Variants in TENM4 observed in about 807,000 individuals in gnomAD.
TENM4 encodes the protein teneurin transmembrane protein 4.
In TENM4, 82 loss-of-function variants were observed where a neutral mutation model predicts 243.3. The observed-to-expected ratio is 0.34, with a 90% CI of 0.28 to 0.40. The LOEUF (loss-of-function observed/expected upper bound fraction) is 0.40, where lower values mean the gene tolerates loss of function less well. Among genes scored for constraint, TENM4 ranks in the 10% least tolerant of loss-of-function variants. The pLI is 1.00. For synonymous variants in TENM4, 1,412 were observed against 1,456.3 expected, an observed-to-expected ratio of 0.97 and a Z score of 0.69; for missense variants, 3,138 against 3,673.3, an observed-to-expected ratio of 0.85 and a Z score of 3.77.
intron 18 of TENM4, among the ~76,000 whole-genome samples, chr11:78,766,524 GT>G (rs1404788885): frequency 3.3e-5 from 5 of 152,154 alleles, no homozygotes; most frequent in African/African-American, 1.2e-4. Flanking sequence ...CCCTCTGCTT[GT>G]CTACCTTCTG....
intron 1 of TENM4, among the ~76,000 whole-genome samples, chr11:79,435,558 T>C (rs971827274): frequency 1.3e-5 from 2 of 152,200 alleles, no homozygotes; most frequent in African/African-American, 4.8e-5. Context: ...AAGGAGGTGA[T>C]TTAAATCCTA....
At chr11:78,925,792 C>T (rs1856539972) in intron 6 of TENM4, among the ~76,000 whole-genome samples, 1 of 151,728 alleles carries the variant, frequency 6.6e-6, no homozygotes, top group African/African-American at 2.4e-5. Flanking sequence ...TCACTGTATC[C>T]CTTATATTAA....
chr11:78,973,568 G>T (rs920691096), intron 6 of TENM4, among the ~76,000 whole-genome samples: 2 of 151,778 alleles, frequency 1.3e-5, no homozygotes, highest in Admixed American at 1.3e-4. Flanking sequence ...TTTTCCCCAA[G>T]AATTTGTTTT....
rs185396890 is a variant in TENM4, at chr11:79,215,799, G to A, written c.-163+9C>T. ...ATGACAGAAAATCAGAGCAGACAAGGGGACTGACCTGGCTCCATGTCAGCA... is the reference window on the plus strand; with the variant it reads ...ATGACAGAAAATCAGAGCAGACAAGAGGACTGACCTGGCTCCATGTCAGCA... On this transcript the variant is annotated intron_variant, in intron 3 of 33. Coordinates refer to ENST00000278550, the MANE Select transcript of TENM4 (RefSeq NM_001098816.3). 3 of 985,708 alleles carry A rather than the reference G, an allele frequency of 3.0e-6. No homozygotes were observed. The highest frequency in any genetic ancestry group is 1.7e-5 in the African/African-American group (1 of 57,220). The allele number at this position is 985,708 out of a possible 1,614,324, so 61.1% of individuals were successfully genotyped here. A position where few individuals can be genotyped will look rare whatever the true frequency, so the allele number is the denominator to read the frequency against.
intron 1 of TENM4, among the ~76,000 whole-genome samples, chr11:79,343,388 T>A (rs564073714): frequency 1.2e-4 from 19 of 152,328 alleles, no homozygotes; most frequent in African/African-American, 4.6e-4. Flanking sequence ...TAGAGCTGGG[T>A]CACACACAGA....
intron 2 of TENM4, among the ~76,000 whole-genome samples, chr11:79,290,026 C>T (rs954936984): frequency 1.3e-5 from 2 of 151,698 alleles, no homozygotes; most frequent in African/African-American, 4.8e-5. Context: ...GAACTCCTGA[C>T]CTCAGGTGAT....
chr11:78,912,061 C>A (rs1856201529), intron 6 of TENM4, among the ~76,000 whole-genome samples: 1 of 152,154 alleles, frequency 6.6e-6, no homozygotes, highest in Admixed American at 6.5e-5. Flanking sequence ...AGAGGGCATT[C>A]TAGGTAGGGG....
At chr11:79,362,668 T>G (rs764422313) in intron 1 of TENM4, among the ~76,000 whole-genome samples, 1 of 152,164 alleles carries the variant, frequency 6.6e-6, no homozygotes, top group Non-Finnish European at 1.5e-5. Flanking sequence ...GAGCACAGAT[T>G]TAGAAGCCAG....
chr11:78,961,760 G>C (rs1047169838), intron 6 of TENM4, among the ~76,000 whole-genome samples: 1 of 151,622 alleles, frequency 6.6e-6, no homozygotes, highest in Non-Finnish European at 1.5e-5. Context: ...GTAGGTAGTT[G>C]GTTGGTGTTG....
intron 4 of TENM4, among the ~76,000 whole-genome samples, chr11:79,109,104 G>A (rs757463160): frequency 2.0e-5 from 3 of 152,198 alleles, no homozygotes; most frequent in Non-Finnish European, 4.4e-5. Flanking sequence ...CCTACAGAGG[G>A]ATGTTAACAT....
At chr11:78,941,310 C>T (rs1253889691) in intron 6 of TENM4, among the ~76,000 whole-genome samples, 1 of 152,076 alleles carries the variant, frequency 6.6e-6, no homozygotes, top group Non-Finnish European at 1.5e-5. Flanking sequence ...ACCTTACGTG[C>T]TTAGCAAAGG....
chr11:78,861,036 C>T (rs560809123), intron 10 of TENM4, among the ~76,000 whole-genome samples: 38 of 152,330 alleles, frequency 2.5e-4, no homozygotes, highest in Non-Finnish European at 4.6e-4. Flanking sequence ...GAAGAAAATA[C>T]GTTTTGCCAA....
chr11:79,306,400 G>A (rs959169753), intron 1 of TENM4, among the ~76,000 whole-genome samples: 1 of 152,128 alleles, frequency 6.6e-6, no homozygotes, highest in South Asian at 2.1e-4. Context: ...GACTAAGAAG[G>A]CCCTTGATAG....
intron 2 of TENM4, among the ~76,000 whole-genome samples, chr11:79,278,229 G>T (rs982713758): frequency 2.0e-5 from 3 of 152,196 alleles, no homozygotes; most frequent in African/African-American, 7.2e-5. Flanking sequence ...AGTTGGTGAT[G>T]CCTAAGGGGT....
At chr11:79,160,360 G>T (rs759422514) in intron 3 of TENM4, among the ~76,000 whole-genome samples, 7 of 152,172 alleles carry the variant, frequency 4.6e-5, no homozygotes, top group Non-Finnish European at 1.0e-4. Flanking sequence ...ATCCAGGAAG[G>T]CAACCGTGCA....
At chr11:78,877,145 A>C (rs1216074473) in intron 9 of TENM4, among the ~76,000 whole-genome samples, 1 of 152,212 alleles carries the variant, frequency 6.6e-6, no homozygotes, top group Non-Finnish European at 1.5e-5. Flanking sequence ...TGCTGTCTTT[A>C]GAAGGATGAA....
intron 1 of TENM4, among the ~76,000 whole-genome samples, chr11:79,418,025 G>A (rs1051656745): frequency 3.3e-5 from 5 of 152,108 alleles, no homozygotes; most frequent in East Asian, 3.8e-4. Context: ...TACTTTAAAC[G>A]GTGTATGTAT....
intron 6 of TENM4, among the ~76,000 whole-genome samples, chr11:79,025,051 T>G (rs1859038859): frequency 6.6e-6 from 1 of 152,074 alleles, no homozygotes; most frequent in African/African-American, 2.4e-5. Flanking sequence ...GCATGCTCCT[T>G]TGGGAACCCC....
At chr11:79,192,620 CACAA>C (rs908728656) in intron 3 of TENM4, among the ~76,000 whole-genome samples, 17 of 152,054 alleles carry the variant, frequency 1.1e-4, no homozygotes, top group Non-Finnish European at 2.2e-4. Context: ...TACCCAGGGA[CACAA>C]ACACTCTGCC....
Sources: gnomAD v4.1 joint callset for allele counts (sites outside exome capture counted in the v4.1 genomes callset) on GRCh38, gnomAD v4.1.1 for gene constraint, MANE v1.5 for transcripts, NCBI Gene and HGNC (gene_info 2026-07-23, HGNC 2026-07-21) for gene names.